The following IQCH variants were observed in gnomAD, a reference collection of about 807,000 sequenced individuals.
IQCH encodes the protein IQ motif containing H.
IQCH carries 98 observed loss-of-function variants against 117.0 expected under a neutral mutation model. That is an observed-to-expected ratio of 0.84 (90% CI 0.71 to 0.99). The LOEUF (loss-of-function observed/expected upper bound fraction) is 0.99, where lower values mean the gene tolerates loss of function less well. Ranked by LOEUF, IQCH falls within the 50% of genes least tolerant of loss-of-function variation. IQCH has a pLI of 0.00. For synonymous variants in IQCH, 412 were observed against 448.2 expected, an observed-to-expected ratio of 0.92 and a Z score of 1.02; for missense variants, 1,102 against 1,243.8, an observed-to-expected ratio of 0.89 and a Z score of 1.72.
At position 67,443,446 on chromosome 15, in the gene IQCH, G is replaced by C. The variant is rs1489720948; in HGVS notation, c.2506-21681G>C. Among the ~76,000 whole-genome samples, 2 of 152,102 alleles carry C rather than the reference G, an allele frequency of 1.3e-5. No individual in the cohort carries two copies. ...TGGGGGAAAGAGTGGGAGGGGGTGAGGGACAAAAGACCACAAATATGGTGG... is the reference window on the plus strand; with the variant it reads ...TGGGGGAAAGAGTGGGAGGGGGTGACGGACAAAAGACCACAAATATGGTGG... On this transcript the variant is annotated intron_variant, in intron 16 of 20. Coordinates refer to ENST00000335894, the MANE Select transcript of IQCH (RefSeq NM_001031715.3). The surrounding 1 kb of genome is among the most constrained non-coding windows in gnomAD (Gnocchi z 5.0).
At chr15:67,418,642 G>A (rs780118755) in intron 15 of IQCH, among the ~76,000 whole-genome samples, 6 of 146,880 alleles carry the variant, frequency 4.1e-5, no homozygotes, top group Admixed American at 6.9e-5. Flanking sequence ...GCAATGGTGC[G>A]ATCTCGGCTC....
rs1019173960 is a variant in IQCH, at chr15:67,454,341, C to T, written c.2506-10786C>T. Among the ~76,000 whole-genome samples, 7 of 152,302 alleles carry T rather than the reference C, an allele frequency of 4.6e-5. No individual in the cohort carries two copies. In the East Asian group the frequency reaches 5.8e-4, roughly 13 times the overall value. On this transcript the variant is annotated intron_variant, in intron 16 of 20. Coordinates refer to ENST00000335894, the MANE Select transcript of IQCH (RefSeq NM_001031715.3). The surrounding 1 kb of genome is among the most constrained non-coding windows in gnomAD (Gnocchi z 5.2). ...GTCGCTCACGCTGGGAGCTGTAGAC[C>T]GGAGCTGTTCGTATTCGGCCATCTT...
rs1201508298 is a variant in IQCH at position 67,411,448 on chromosome 15, T to C, written c.2098-5483T>C. Reference sequence around the variant, plus strand: ...CAGGTCATTGTCTTGCCCTTTTCACTCTCCAGTCCTTCATGTAGGGATGTC... The same window carrying C: ...CAGGTCATTGTCTTGCCCTTTTCACCCTCCAGTCCTTCATGTAGGGATGTC... On this transcript the variant is annotated intron_variant, in intron 14 of 20. Coordinates refer to ENST00000335894, the MANE Select transcript of IQCH (RefSeq NM_001031715.3). This position sits in a 1 kb window ranked among gnomAD's most constrained non-coding sequence, Gnocchi z 4.4. 1.3e-5 allele frequency among the ~76,000 whole-genome samples: 2 copies of C among 152,192 alleles called. No individual in the cohort carries two copies. Among genetic ancestry groups the C allele is most frequent in the African/African-American group, 4.8e-5 (2 of 41,448 alleles).
At chr15:67,344,251 A>G (rs1244384316) in intron 6 of IQCH, 60 bp downstream of exon 6, 1 of 1,557,896 alleles carries the variant, frequency 6.4e-7, no homozygotes, top group African/African-American at 1.4e-5. Context: ...TCTGCCCCAG[A>G]TCTAGCCTTC....
chr15:67,499,269 A>G (rs2083911422), intron 20 of IQCH, among the ~76,000 whole-genome samples: 1 of 117,686 alleles, frequency 8.5e-6, no homozygotes, highest in South Asian at 3.0e-4. Flanking sequence ...ACTGCACTCC[A>G]GCTTTGGTGA....
rs1170900472 is a variant in IQCH, at chr15:67,405,540, C to T, written c.2097+5235C>T. On this transcript the variant is annotated intron_variant, in intron 14 of 20. Coordinates refer to ENST00000335894, the MANE Select transcript of IQCH (RefSeq NM_001031715.3). The surrounding 1 kb of genome is among the most constrained non-coding windows in gnomAD (Gnocchi z 4.8). ...TGAGGTTTTTACTCATTTACTTCCA[C>T]ACCAATTTAAGATATAAGGAAGGTA... 1 of 152,224 alleles carries T rather than the reference C, an allele frequency of 6.6e-6. No homozygotes were observed. The highest frequency in any genetic ancestry group is 2.4e-5 in the African/African-American group (1 of 41,456). 9.4% of individuals were successfully genotyped at this position (152,224 alleles called of 1,614,324 possible).
At chr15:67,341,194 A>C (rs944611964) in intron 5 of IQCH, among the ~76,000 whole-genome samples, 1 of 152,232 alleles carries the variant, frequency 6.6e-6, no homozygotes, top group African/African-American at 2.4e-5. Context: ...CCTGGGCTAC[A>C]GAGTGTCTAA....
rs952692051 is a variant in IQCH at position 67,416,814 on chromosome 15, G to GGT, written c.2098-116_2098-115dup. On this transcript the variant is annotated intron_variant, in intron 14 of 20. Transcript: ENST00000335894. This position sits in a 1 kb window ranked among gnomAD's most constrained non-coding sequence, Gnocchi z 5.1. ...TTTTCAAAATGGCTTTCTGACTCTG[G>GGT]GTAAACAGTAACCACATTTTTTTTG... The GGT allele has an allele frequency of 4.1e-6, 3 of 733,626 alleles. No homozygotes were observed. The African/African-American group carries it at 5.5e-5, about 14-fold the overall frequency. 45.4% of individuals were successfully genotyped at this position (733,626 alleles called of 1,614,324 possible).
At chr15:67,287,092 T>C (rs1386925856) in intron 4 of IQCH, among the ~76,000 whole-genome samples, 1 of 152,242 alleles carries the variant, frequency 6.6e-6, no homozygotes, top group Admixed American at 6.5e-5. Flanking sequence ...TTGCATATGT[T>C]GAACCCTCCT....
rs753343021 is a variant in IQCH at position 67,406,135 on chromosome 15, C to T, written c.2097+5830C>T. Reference sequence around the variant, plus strand: ...TGCCTTTCTCAATTTAATACACTATCGTGATCATTTTAGTGAGCCTGTAAA... The same window carrying T: ...TGCCTTTCTCAATTTAATACACTATTGTGATCATTTTAGTGAGCCTGTAAA... On this transcript the variant is annotated intron_variant, in intron 14 of 20. Transcript: ENST00000335894. This position sits in a 1 kb window ranked among gnomAD's most constrained non-coding sequence, Gnocchi z 4.5. 1.2e-4 allele frequency: 19 copies of T among 152,180 alleles called. No homozygotes were observed. Among genetic ancestry groups the T allele is most frequent in the Admixed American group, 2.0e-4 (3 of 15,278 alleles). The allele number at this position is 152,180 out of a possible 1,614,324, so 9.4% of individuals were successfully genotyped here.
At chr15:67,285,474 A>C (rs1966526266) in intron 4 of IQCH, among the ~76,000 whole-genome samples, 1 of 151,852 alleles carries the variant, frequency 6.6e-6, no homozygotes, top group South Asian at 2.1e-4. Context: ...ATTTTTGTTG[A>C]CAAAAATTTT....
At chr15:67,265,058 G>A (rs780705004) in intron 3 of IQCH, among the ~76,000 whole-genome samples, 14 of 152,164 alleles carry the variant, frequency 9.2e-5, no homozygotes, top group South Asian at 8.3e-4. Flanking sequence ...AAAGCAAACA[G>A]GAGAAGAGCT....
In IQCH at chr15:67,475,857, A is replaced by C. The variant is rs760664975; in HGVS notation, c.2799+39A>C. 6.3e-7 allele frequency: 1 copy of C among 1,586,422 alleles called. No homozygotes were observed. Reference sequence around the variant, plus strand: ...CAGTTGGCCAGGGGCGGCCAAAGACATGCCTGTGGGTGATCTAGGTAGCTA... The same window carrying C: ...CAGTTGGCCAGGGGCGGCCAAAGACCTGCCTGTGGGTGATCTAGGTAGCTA... On this transcript the variant is annotated intron_variant, in intron 18 of 20. Transcript: ENST00000335894. This position sits in a 1 kb window ranked among gnomAD's most constrained non-coding sequence, Gnocchi z 5.7.
In IQCH at chr15:67,279,503, A is replaced by G. The variant is rs769169643; in HGVS notation, c.378A>G (p.Pro126=). Residue 126 remains proline (P), a synonymous_variant, in exon 4 of 21, where the codon CCA becomes CCG. Coordinates refer to ENST00000335894, the MANE Select transcript of IQCH (RefSeq NM_001031715.3). The part of the protein sequence containing the change: ...RQHSSSLPVF[P]RAKIKVSKLI... Reference sequence around the variant, plus strand: ...ACAGTTCATCTCTGCCTGTCTTTCCAAGAGCAAAGGTAGGTATAGAGAAAT... The same window carrying G: ...ACAGTTCATCTCTGCCTGTCTTTCCGAGAGCAAAGGTAGGTATAGAGAAAT... 1.3e-6 allele frequency: 2 copies of G among 1,584,006 alleles called. No individual in the cohort carries two copies. Among genetic ancestry groups the G allele is most frequent in the Non-Finnish European group, 8.6e-7 (1 of 1,157,250 alleles).
chr15:67,392,837 A>G (rs7172956), intron 12 of IQCH, among the ~76,000 whole-genome samples: 3 of 151,376 alleles, frequency 2.0e-5, no homozygotes, highest in Admixed American at 1.3e-4. Context: ...GGCATATCGC[A>G]TAGATCTAAG....
intron 16 of IQCH, 74 bp downstream of exon 16, chr15:67,421,651 AG>A (rs2081745852): frequency 7.3e-7 from 1 of 1,378,386 alleles, no homozygotes; most frequent in Non-Finnish European, 1.0e-6. Flanking sequence ...ACAGTACAAC[AG>A]GGCATATGAG....
chr15:67,330,657 AAAC>A (rs1371133301), intron 4 of IQCH, among the ~76,000 whole-genome samples: 3 of 152,324 alleles, frequency 2.0e-5, no homozygotes, highest in East Asian at 3.9e-4. Context: ...TGCAGTAAAA[AAAC>A]AACAAAAAAC....
intron 4 of IQCH, among the ~76,000 whole-genome samples, chr15:67,324,058 C>T (rs183487266): frequency 6.7e-6 from 1 of 149,578 alleles, no homozygotes. Flanking sequence ...GTTCTCCTGT[C>T]TCAGCCTCCC....
intron 16 of IQCH, among the ~76,000 whole-genome samples, chr15:67,451,872 G>A (rs1006737437): frequency 6.6e-6 from 1 of 152,106 alleles, no homozygotes. Flanking sequence ...TCTCTTTGTA[G>A]GTCACTAAGG....
Sources: allele counts gnomAD v4.1 joint callset (sites outside exome capture counted in the v4.1 genomes callset), GRCh38; gene constraint gnomAD v4.1.1; non-coding constraint Gnocchi (gnomAD v3.1); transcripts MANE v1.5; gene names NCBI Gene and HGNC (gene_info 2026-07-23, HGNC 2026-07-21).